MSLN: variants seen among roughly 807,000 people sequenced by gnomAD.
MSLN encodes CAK1 antigen.
MSLN carries 82 observed loss-of-function variants against 72.6 expected under a neutral mutation model. That is an observed-to-expected ratio of 1.13 (90% confidence interval 0.94 to 1.36). MSLN has a LOEUF of 1.36. MSLN is among the 40% of genes most tolerant of loss of function. The pLI, the probability that MSLN is intolerant of heterozygous loss-of-function variation, is 0.00. For missense variants in MSLN, 1,005 were observed against 847.9 expected (o/e 1.19, Z -2.30); for synonymous variants, 456 against 387.3 (o/e 1.18, Z -2.08).
intron 5 of MSLN, 70 bp downstream of exon 5, chr16:763,761 G>T: frequency 7.1e-7 from 1 of 1,410,548 alleles, no homozygotes. Flanking sequence ...GGTGGGCAGG[G>T]CACCCCATCC....
At chr16:763,003 C>T (rs985980785) in intron 3 of MSLN, among the ~76,000 whole-genome samples, 6 of 152,192 alleles carry the variant, frequency 3.9e-5, no homozygotes, top group Non-Finnish European at 5.9e-5. Context: ...GCCAAGCAGC[C>T]GGGTCTCAGG....
At chr16:762,495 C>T in intron 2 of MSLN, 177 bp from the exon 3 acceptor site, 3 of 602,226 alleles carry the variant, frequency 5.0e-6, no homozygotes, top group Non-Finnish European at 8.8e-6. Flanking sequence ...AGGAGCCAGT[C>T]CAGGGGACAG....
chr16:765,988 C>T, intron 11 of MSLN, 71 bp from the exon 12 acceptor site: 1 of 1,488,418 alleles, frequency 6.7e-7, no homozygotes, highest in Non-Finnish European at 9.0e-7. Context: ...GGTCTCATCT[C>T]ACAGGAGGTG....
In MSLN at chr16:766,353, C is replaced by G; in HGVS notation, c.1093C>G (p.Pro365Ala). ...CCTGCAGCTCTACCCACAAGGTTAC[C>G]CCGAGTCTGTGATCCAGCACCTGGG... ...KLDELYPQGY[P>A]ESVIQHLGYL... Residue 365 changes from proline (P) to alanine (A), a missense_variant, in exon 13 of 18, where the codon CCC becomes GCC. By Grantham distance (27) the Pro-to-Ala change is conservative (BLOSUM62 -1). Coordinates refer to ENST00000545450, the MANE Select transcript of MSLN (RefSeq NM_005823.6). 6.2e-7 allele frequency: 1 copy of G among 1,612,706 alleles called. No individual in the cohort carries two copies. Among genetic ancestry groups the G allele is most frequent in the South Asian group, 1.1e-5 (1 of 91,084 alleles).
At position 767,038 on chromosome 16, in the gene MSLN, G is replaced by A. The variant is rs780299758; in HGVS notation, c.1501+26G>A. ...GTGAGCCAGGGAGTCCCTGGCCAGG[G>A]TGGGCAACACAACGGGGGAAGCACA... is the stretch of plus-strand genomic sequence containing the variant. On this transcript the variant is annotated intron_variant, in intron 15 of 17. Coordinates refer to ENST00000545450, the MANE Select transcript of MSLN (RefSeq NM_005823.6). 7 of 1,609,832 alleles carry A rather than the reference G, an allele frequency of 4.3e-6. No homozygotes were observed. The East Asian group carries it at 1.3e-4, about 31-fold the overall frequency.
At chr16:768,608 G>A (rs1340704834) in intron 17 of MSLN, 40 bp from the exon 18 acceptor site, 2 of 1,611,212 alleles carry the variant, frequency 1.2e-6, no homozygotes, top group Non-Finnish European at 1.7e-6. Context: ...AGAGCTGGGG[G>A]CGTGGAGGTG....
In MSLN at chr16:765,194, G is replaced by A. The variant is rs138860686; in HGVS notation, c.595G>A (p.Glu199Lys). 17 of 1,593,674 alleles carry A rather than the reference G, an allele frequency of 1.1e-5. No individual in the cohort carries two copies. Among genetic ancestry groups the A allele is most frequent in the South Asian group, 4.5e-5 (4 of 89,616 alleles). ...ACDLPGRFVA[E>K]SAEVLLPRLV... ...CGACCTGCCTGGGCGCTTTGTGGCC[G>A]AGTCGGCCGAAGTGCTGCTACCCCG... Residue 199 changes from glutamate (E) to lysine (K), a missense_variant, in exon 9 of 18, where the codon GAG becomes AAG. Glu to Lys is a moderately conservative substitution (Grantham distance 56). Transcript: ENST00000545450.
Position 766,160 on chromosome 16 carries a change from G to C in MSLN, c.997G>C (p.Ala333Pro), listed in dbSNP as rs1354274532. The C allele has an allele frequency of 1.9e-6, 3 of 1,612,730 alleles. No individual in the cohort carries two copies. Among genetic ancestry groups the C allele is most frequent in the Non-Finnish European group, 2.5e-6 (3 of 1,179,892 alleles). The change falls in exon 12 of 18, where the codon GCC becomes CCC. Residue 333 changes from alanine to proline, a missense_variant. By Grantham distance (27) the Ala-to-Pro change is conservative (BLOSUM62 -1). Coordinates refer to ENST00000545450, the MANE Select transcript of MSLN (RefSeq NM_005823.6). ...AGCCTGCGTGGATGCGGCCCTGCTG[G>C]CCACCCAGATGGACCGCGTGAACGC... ...LEACVDAALL[A>P]TQMDRVNAIP... is the part of the protein sequence containing the mutation.
chr16:765,999 TG>T, intron 11 of MSLN, 59 bp from the exon 12 acceptor site: 1 of 1,511,578 alleles, frequency 6.6e-7, no homozygotes. Flanking sequence ...ACAGGAGGTG[TG>T]GGAGGAAGAA....
In MSLN at chr16:767,484, G is replaced by C; in HGVS notation, c.1596+14G>C. ...GATGCGGTGCTGGTATGGCGAGCGG[G>C]AGGAGGGGCGTGTGGAGGAGGGGCC... is the stretch of plus-strand genomic sequence containing the variant. On this transcript the variant is annotated intron_variant, in intron 16 of 17. Transcript: ENST00000545450. 1 of 1,544,248 alleles carries C rather than the reference G, an allele frequency of 6.5e-7. No individual in the cohort carries two copies. Among genetic ancestry groups the C allele is most frequent in the Non-Finnish European group, 8.7e-7 (1 of 1,150,234 alleles).
At chr16:767,036 G>C in intron 15 of MSLN, 24 bp downstream of exon 15, 1 of 1,514,150 alleles carries the variant, frequency 6.6e-7, no homozygotes. Flanking sequence ...TCCCTGGCCA[G>C]GGTGGGCAAC....
chr16:764,707 G>C lies in MSLN; in HGVS notation c.361G>C (p.Asp121His). Residue 121 changes from aspartate (D) to histidine (H), a missense_variant, in exon 7 of 18, where the codon GAC (aspartate) becomes CAC (histidine). Transcript: ENST00000545450. ...CGAGGACCTGGACGCCCTCCCATTG[G>C]ACCTGCTGCTATTCCTCAAGTAGGC... ...PPEDLDALPL[D>H]LLLFLNPDAF... The C allele has an allele frequency of 1.2e-6, 2 of 1,612,112 alleles. No homozygotes were observed. The highest frequency in any genetic ancestry group is 1.7e-6 in the Non-Finnish European group (2 of 1,179,636).
Position 764,919 on chromosome 16 carries a change from C to A in MSLN, c.393C>A (p.Phe131Leu). 1 of 1,611,944 alleles carries A rather than the reference C, an allele frequency of 6.2e-7. No homozygotes were observed. The highest frequency in any genetic ancestry group is 8.5e-7 in the Non-Finnish European group (1 of 1,179,564). ...DLLLFLNPDA[F>L]SGPQACTRFF... Reference sequence around the variant, plus strand: ...CCTCTCTTCACAGCCCAGATGCGTTCTCGGGGCCCCAGGCCTGCACCCGTT... The same window carrying A: ...CCTCTCTTCACAGCCCAGATGCGTTATCGGGGCCCCAGGCCTGCACCCGTT... Residue 131 changes from phenylalanine to leucine, a missense_variant, in exon 8 of 18, where the codon TTC (phenylalanine) becomes TTA (leucine). Transcript: ENST00000545450.
intron 16 of MSLN, 35 bp downstream of exon 16, chr16:767,505 G>A (rs1567359697): frequency 6.6e-7 from 1 of 1,518,840 alleles, no homozygotes; most frequent in Admixed American, 1.9e-5. Context: ...TGTGGAGGAG[G>A]GGCCCGTGGA....
chr16:766,853 T>C, intron 14 of MSLN, 32 bp from the exon 15 acceptor site: 1 of 1,612,374 alleles, frequency 6.2e-7, no homozygotes, highest in Non-Finnish European at 8.5e-7. Flanking sequence ...GTCCGTGTGC[T>C]GGCGCTCACT....
rs762563817 is a variant in MSLN, at chr16:764,079, C to A, written c.236C>A (p.Thr79Lys). The A allele has an allele frequency of 6.2e-7, 1 of 1,606,336 alleles. No homozygotes were observed. The highest frequency in any genetic ancestry group is 1.1e-5 in the South Asian group (1 of 91,062). The change falls in exon 6 of 18, where the codon ACG becomes AAG. Residue 79 changes from threonine (T) to lysine (K), a missense_variant. Transcript: ENST00000545450. The stretch of plus-strand genomic sequence containing the variant: ...TGTGCGGAGGTGTCCGGCCTGAGCA[C>A]GGAGCGTGTCCGGGAGCTGGCTGTG... ...FPCAEVSGLS[T>K]ERVRELAVAL...
intron 6 of MSLN, 49 bp from the exon 7 acceptor site, chr16:764,598 T>C: frequency 6.6e-7 from 1 of 1,508,526 alleles, no homozygotes; most frequent in South Asian, 1.1e-5. Flanking sequence ...TGGCCCACCA[T>C]GTGAGTGGCG....
At chr16:765,417 C>T (rs955953577) in intron 9 of MSLN, 110 bp from the exon 10 acceptor site, 45 of 1,409,228 alleles carry the variant, frequency 3.2e-5, no homozygotes, top group South Asian at 2.6e-4. Context: ...CGCCACCACC[C>T]CTGCCAATGC....
rs139551110 is a variant in MSLN, at chr16:765,702, C to T, written c.807C>T (p.Ala269=). 28 of 1,600,744 alleles carry T rather than the reference C, an allele frequency of 1.7e-5. No homozygotes were observed. Among genetic ancestry groups the T allele is most frequent in the South Asian group, 5.5e-5 (5 of 91,048 alleles). The change falls in exon 11 of 18, where the codon GCC becomes GCT. Residue 269 remains alanine, a synonymous_variant. Coordinates refer to ENST00000545450, the MANE Select transcript of MSLN (RefSeq NM_005823.6). ...CTGCTCGTCCTCAGGGCATCGTGGC[C>T]GCGTGGCGGCAACGCTCCTCTCGGG... ...IIRSIPQGIV[A]AWRQRSSRDP...
Sources: allele counts gnomAD v4.1 joint callset (sites outside exome capture counted in the v4.1 genomes callset), GRCh38; gene constraint gnomAD v4.1.1; transcripts MANE v1.5; gene names NCBI Gene and HGNC (gene_info 2026-07-23, HGNC 2026-07-21).